RBPJ: variants seen among roughly 807,000 people sequenced by gnomAD.
The protein encoded by RBPJ is recombining binding protein suppressor of hairless.
RBPJ carries 9 observed loss-of-function variants against 67.8 expected under a neutral mutation model. The ratio of observed to expected loss-of-function variants is 0.13; its 90% CI spans 0.08 to 0.23. The LOEUF (loss-of-function observed/expected upper bound fraction) is 0.23, where lower values mean the gene tolerates loss of function less well. Among genes scored for constraint, RBPJ ranks in the 10% least tolerant of loss-of-function variants. RBPJ has a pLI of 1.00. For missense variants in RBPJ, 305 were observed against 595.6 expected (o/e 0.51, Z 5.08); for synonymous variants, 198 against 203.3 (o/e 0.97, Z 0.22).
chr4:26,382,029 A>G (rs191801105), intron 1 of RBPJ, among the ~76,000 whole-genome samples: 12 of 152,318 alleles, frequency 7.9e-5, no homozygotes, highest in East Asian at 1.9e-4. Context: ...CCCTAGACAC[A>G]TAAGGATTGA....
chr4:26,404,716 G>A (rs1202851863), intron 2 of RBPJ, among the ~76,000 whole-genome samples: 1 of 152,162 alleles, frequency 6.6e-6, no homozygotes, highest in Non-Finnish European at 1.5e-5. Flanking sequence ...AGAAACATAA[G>A]CTGCTCTTGT....
the RBPJ span, among the ~76,000 whole-genome samples, chr4:26,155,475 C>T: frequency 6.7e-6 from 1 of 149,342 alleles, no homozygotes; most frequent in Non-Finnish European, 1.5e-5. Context: ...TGCTCTGTTG[C>T]CCAGGCTGGA....
the RBPJ span, among the ~76,000 whole-genome samples, chr4:26,120,477 A>G: frequency 6.6e-6 from 1 of 152,170 alleles, no homozygotes; most frequent in African/African-American, 2.4e-5. Flanking sequence ...AGACAAATTT[A>G]GTCCTCTCTG....
At chr4:26,162,002 G>A (rs183225018), upstream of RBPJ, among the ~76,000 whole-genome samples, 129 of 152,368 alleles carry the variant, frequency 8.5e-4, 1 homozygote, top group Non-Finnish European at 1.3e-3. Context: ...TGGAGTTAGT[G>A]TCACCTTTTC....
chr4:26,287,234 T>C (rs1420324183), intron 1 of RBPJ, among the ~76,000 whole-genome samples: 2 of 151,814 alleles, frequency 1.3e-5, no homozygotes, highest in Admixed American at 1.3e-4. Context: ...TTTAGGTCAT[T>C]GGAAAAAGAA....
rs973709235 is a variant in RBPJ at position 26,231,867 on chromosome 4, T to A, written c.-167+68253T>A. On this transcript the variant is annotated intron_variant, in intron 1 of 4. Transcript: ENST00000512351. ...CCTGACCTTATGCTTTATTTTTTTT[T>A]AATTTTAATTTTTATTTATTTTTAT... 2.0e-5 allele frequency among the ~76,000 whole-genome samples: 3 copies of A among 151,396 alleles called. No homozygotes were observed. In the East Asian group the frequency reaches 5.8e-4, roughly 29 times the overall value.
chr4:26,427,492 A>C (rs544173796), intron 7 of RBPJ, among the ~76,000 whole-genome samples: 71 of 152,304 alleles, frequency 4.7e-4, no homozygotes, highest in African/African-American at 1.6e-3. Context: ...ATAGATTATA[A>C]AGAGAGGAAA....
At chr4:26,273,005 T>A (rs1230344483) in intron 1 of RBPJ, among the ~76,000 whole-genome samples, 1 of 152,194 alleles carries the variant, frequency 6.6e-6, no homozygotes, top group Admixed American at 6.5e-5. Context: ...TGTATTAAGT[T>A]TGAGATTTTC....
chr4:26,327,811 C>T (rs900619837), intron 1 of RBPJ, among the ~76,000 whole-genome samples: 3 of 152,022 alleles, frequency 2.0e-5, no homozygotes, highest in Admixed American at 2.0e-4. Flanking sequence ...TGCCACTGTA[C>T]TCCAGCCTGG....
intron 3 of RBPJ, among the ~76,000 whole-genome samples, chr4:26,408,409 C>A (rs114447930): frequency 1.3e-5 from 2 of 150,030 alleles, no homozygotes; most frequent in Admixed American, 6.6e-5. Flanking sequence ...TTTTTTCCCA[C>A]GAAGTTGATA....
At chr4:26,230,527 A>G (rs901486328) in intron 1 of RBPJ, among the ~76,000 whole-genome samples, 4 of 152,198 alleles carry the variant, frequency 2.6e-5, no homozygotes, top group Non-Finnish European at 4.4e-5. Context: ...GGTCAGTAAC[A>G]TGTTTATGGA....
chr4:26,285,422 T>C (rs2109279931), intron 1 of RBPJ, among the ~76,000 whole-genome samples: 1 of 152,178 alleles, frequency 6.6e-6, no homozygotes, highest in East Asian at 1.9e-4. Flanking sequence ...CCCCATTTCA[T>C]TCCTGCCACC....
At chr4:26,329,286 C>G (rs1021479742) in intron 1 of RBPJ, among the ~76,000 whole-genome samples, 1 of 152,152 alleles carries the variant, frequency 6.6e-6, no homozygotes, top group African/African-American at 2.4e-5. Context: ...AGCCACCGTT[C>G]CTGGCGGCAT....
At chr4:26,246,973 CTTTT>C (rs56160527) in intron 1 of RBPJ, among the ~76,000 whole-genome samples, 1 of 121,958 alleles carries the variant, frequency 8.2e-6, no homozygotes, top group African/African-American at 3.1e-5. Context: ...ACATAATACG[CTTTT>C]TTTTTTTTTT....
intron 1 of RBPJ, among the ~76,000 whole-genome samples, chr4:26,340,421 A>G (rs1192156177): frequency 2.6e-5 from 4 of 152,234 alleles, no homozygotes; most frequent in South Asian, 2.1e-4. Flanking sequence ...AGAGGAACTT[A>G]GTTTTTATTT....
At chr4:26,130,499 T>C in the RBPJ span, among the ~76,000 whole-genome samples, 1 of 152,192 alleles carries the variant, frequency 6.6e-6, no homozygotes, top group Non-Finnish European at 1.5e-5. Context: ...CTCCCCTGCC[T>C]GGTCTCAGTC....
chr4:26,423,805 G>A (rs570961668), intron 5 of RBPJ, among the ~76,000 whole-genome samples: 1 of 152,286 alleles, frequency 6.6e-6, no homozygotes, highest in Admixed American at 6.5e-5. Context: ...ATCACAGTAT[G>A]CAGAGGCATT....
At chr4:26,400,041 T>G (rs1333407489) in intron 2 of RBPJ, among the ~76,000 whole-genome samples, 1 of 152,196 alleles carries the variant, frequency 6.6e-6, no homozygotes, top group African/African-American at 2.4e-5. Flanking sequence ...GACTTCAAAA[T>G]TTACCTTATG....
At chr4:26,239,571 C>A (rs1027417704) in intron 1 of RBPJ, among the ~76,000 whole-genome samples, 2 of 152,174 alleles carry the variant, frequency 1.3e-5, no homozygotes, top group Non-Finnish European at 2.9e-5. Context: ...AACTTTGCTC[C>A]AAGTGACCTC....
Sources: gnomAD v4.1 joint callset for allele counts (sites outside exome capture counted in the v4.1 genomes callset) on GRCh38, gnomAD v4.1.1 for gene constraint, MANE v1.5 for transcripts, NCBI Gene and HGNC (gene_info 2026-07-23, HGNC 2026-07-21) for gene names.